Variants in KCNH5 observed in about 807,000 individuals in gnomAD.
KCNH5 encodes the protein potassium voltage-gated channel subfamily H member 5.
KCNH5 carries 46 observed loss-of-function variants against 96.1 expected under a neutral mutation model. The ratio of observed to expected loss-of-function variants is 0.48; its 90% CI spans 0.38 to 0.61. The LOEUF is 0.61. Among genes scored for constraint, KCNH5 ranks in the 20% least tolerant of loss-of-function variants. The pLI, the probability that KCNH5 is intolerant of heterozygous loss-of-function variation, is 0.00. For missense variants in KCNH5, 907 were observed against 1,225.8 expected (o/e 0.74, Z 3.88); for synonymous variants, 439 against 449.8 (o/e 0.98, Z 0.30).
chr14:62,836,711 A>C (rs1887472875), intron 8 of KCNH5, among the ~76,000 whole-genome samples: 1 of 152,164 alleles, frequency 6.6e-6, no homozygotes, highest in South Asian at 2.1e-4. Flanking sequence ...TTTAATTTTT[A>C]TTAGGGAATT....
intron 8 of KCNH5, among the ~76,000 whole-genome samples, chr14:62,833,325 A>G (rs779179974): frequency 3.3e-5 from 5 of 151,850 alleles, no homozygotes; most frequent in Non-Finnish European, 7.4e-5. Flanking sequence ...TTTATGTATA[A>G]TATAGGGGTT....
intron 2 of KCNH5, among the ~76,000 whole-genome samples, chr14:63,009,350 A>G (rs1237597806): frequency 6.6e-6 from 1 of 152,224 alleles, no homozygotes; most frequent in Non-Finnish European, 1.5e-5. Flanking sequence ...ATTTTTAAAT[A>G]AACCATAAAA....
intron 7 of KCNH5, among the ~76,000 whole-genome samples, chr14:62,913,503 G>A (rs1157937316): frequency 6.6e-6 from 1 of 152,174 alleles, no homozygotes; most frequent in Non-Finnish European, 1.5e-5. Flanking sequence ...TGGGATTACA[G>A]GCATGAGCCA....
intron 4 of KCNH5, among the ~76,000 whole-genome samples, chr14:62,999,628 C>T (rs1358257518): frequency 6.8e-6 from 1 of 147,008 alleles, no homozygotes. Context: ...AAACCAAACA[C>T]CGCATGTTCT....
intron 7 of KCNH5, among the ~76,000 whole-genome samples, chr14:62,880,247 C>T (rs1888465729): frequency 6.6e-6 from 1 of 152,114 alleles, no homozygotes; most frequent in Admixed American, 6.6e-5. Flanking sequence ...AAAGACAGTT[C>T]ATTAGTGGTG....
chr14:62,829,150 C>T (rs1887288807), intron 8 of KCNH5, among the ~76,000 whole-genome samples: 1 of 152,118 alleles, frequency 6.6e-6, no homozygotes, highest in Non-Finnish European at 1.5e-5. Flanking sequence ...TAGCTGTGCA[C>T]CTGACGTTTT....
At chr14:63,024,634 T>C (rs1174019472) in intron 1 of KCNH5, among the ~76,000 whole-genome samples, 3 of 151,958 alleles carry the variant, frequency 2.0e-5, no homozygotes, top group East Asian at 1.9e-4. Context: ...ATCATAACTA[T>C]TATGAACAAT....
At chr14:62,760,396 G>T (rs950901809) in intron 10 of KCNH5, among the ~76,000 whole-genome samples, 3 of 152,194 alleles carry the variant, frequency 2.0e-5, no homozygotes, top group Non-Finnish European at 4.4e-5. Flanking sequence ...TTCCTGATCA[G>T]GGTCCAGTTC....
intron 4 of KCNH5, among the ~76,000 whole-genome samples, chr14:62,989,235 G>A (rs1890766170): frequency 6.6e-6 from 1 of 151,850 alleles, no homozygotes; most frequent in African/African-American, 2.4e-5. Context: ...CCCTTTAACA[G>A]AAACCTGAAG....
rs1010638549 is a variant in KCNH5, at chr14:62,846,994, G to A, written c.1569+2659C>T. 4.7e-5 allele frequency among the ~76,000 whole-genome samples: 7 copies of A among 148,924 alleles called. 1 individual carries two copies. Among genetic ancestry groups the A allele is most frequent in the Admixed American group, 4.7e-4 (7 of 14,962 alleles). On this transcript the variant is annotated intron_variant, in intron 8 of 10. Coordinates refer to ENST00000322893, the MANE Select transcript of KCNH5 (RefSeq NM_139318.5). ...TTTTTTTATTTTTAGTAGAGACAGA[G>A]TTTCACAGTGTTAGCCAGGATGGTC...
intron 8 of KCNH5, among the ~76,000 whole-genome samples, chr14:62,817,287 A>T (rs1194990251): frequency 7.2e-6 from 1 of 138,516 alleles, no homozygotes; most frequent in Non-Finnish European, 1.5e-5. Context: ...CACACACACA[A>T]CTCGGAGACA....
At chr14:62,713,154 T>C (rs1328183564) in intron 10 of KCNH5, among the ~76,000 whole-genome samples, 1 of 152,194 alleles carries the variant, frequency 6.6e-6, no homozygotes, top group Non-Finnish European at 1.5e-5. Flanking sequence ...TTCAATAACC[T>C]TTTCATACAT....
At chr14:62,776,918 C>CA (rs757804819) in intron 10 of KCNH5, among the ~76,000 whole-genome samples, 18 of 152,198 alleles carry the variant, frequency 1.2e-4, no homozygotes, top group Non-Finnish European at 2.5e-4. Flanking sequence ...CCACTGGATA[C>CA]ACATGTGTGG....
intron 5 of KCNH5, among the ~76,000 whole-genome samples, chr14:62,982,932 G>A (rs1594658666): frequency 6.6e-6 from 1 of 152,126 alleles, no homozygotes; most frequent in Non-Finnish European, 1.5e-5. Flanking sequence ...TAAGATTCAT[G>A]TTGGGGTGAA....
intron 10 of KCNH5, among the ~76,000 whole-genome samples, chr14:62,752,176 A>G (rs1885515573): frequency 6.6e-6 from 1 of 152,064 alleles, no homozygotes; most frequent in Admixed American, 6.6e-5. Context: ...GATAGTGTAT[A>G]TTATGGTTTG....
chr14:63,037,082 A>G (rs1439871419), intron 1 of KCNH5, among the ~76,000 whole-genome samples: 1 of 152,190 alleles, frequency 6.6e-6, no homozygotes, highest in Non-Finnish European at 1.5e-5. Flanking sequence ...AAATGATAAT[A>G]ATAACTACTG....
intron 2 of KCNH5, among the ~76,000 whole-genome samples, chr14:63,011,953 G>A (rs1891236731): frequency 6.6e-6 from 1 of 152,148 alleles, no homozygotes; most frequent in Non-Finnish European, 1.5e-5. Context: ...TCAAAAAAAT[G>A]TATCTGAGAG....
At position 62,706,649 on chromosome 14, in the gene KCNH5, T is replaced by C. The variant is rs1566632983; in HGVS notation, c.*859A>G. ...GTTTTGGAAATACAAATTTAGAGCA[T>C]TTATCAGCTTTGGAAATTCAGCATC... On this transcript the variant is annotated 3_prime_UTR_variant, in exon 11 of 11. Transcript: ENST00000322893. 1 of 152,160 alleles carries C rather than the reference T, an allele frequency of 6.6e-6. No individual in the cohort carries two copies. Among genetic ancestry groups the C allele is most frequent in the Non-Finnish European group, 1.5e-5 (1 of 68,000 alleles). The allele number at this position is 152,160 out of a possible 1,614,324, so 9.4% of individuals were successfully genotyped here.
At position 63,021,954 on chromosome 14, in the gene KCNH5, C is replaced by A. The variant is rs116158827; in HGVS notation, c.74-5000G>T. On this transcript the variant is annotated intron_variant, in intron 1 of 10. Transcript: ENST00000322893. ...GTAGACATTAGAGTGCCTAAGTCCT[C>A]TCCTTTCTTTACTCTTATATGCTTA... Among the ~76,000 whole-genome samples, 614 of 152,260 alleles carry A rather than the reference C, an allele frequency of 4.0e-3. 4 individuals are homozygous for A. Among genetic ancestry groups the A allele is most frequent in the African/African-American group, 0.013 (559 of 41,554 alleles).
Sources: allele counts gnomAD v4.1 joint callset (sites outside exome capture counted in the v4.1 genomes callset), GRCh38; gene constraint gnomAD v4.1.1; transcripts MANE v1.5; gene names NCBI Gene and HGNC (gene_info 2026-07-23, HGNC 2026-07-21).